Variants in HNF4G observed in about 807,000 individuals in gnomAD.
HNF4G encodes hepatocyte nuclear factor 4-gamma.
In HNF4G, 21 loss-of-function variants were observed where a neutral mutation model predicts 50.9. That is an observed-to-expected ratio of 0.41 (90% CI 0.29 to 0.59). The LOEUF is 0.59. Ranked by LOEUF, HNF4G falls within the 20% of genes least tolerant of loss-of-function variation. The pLI is 0.26. For missense variants in HNF4G, 527 were observed against 559.4 expected (o/e 0.94, Z 0.58); for synonymous variants, 198 against 185.6 (o/e 1.07, Z -0.54).
chr8:75,440,987 TG>T (rs1238270305), intron 1 of HNF4G, among the ~76,000 whole-genome samples: 2 of 152,066 alleles, frequency 1.3e-5, no homozygotes, highest in East Asian at 1.9e-4. Context: ...CCTGAGTAGC[TG>T]GGATTACAGG....
chr8:75,530,644 A>G (rs1380919893), intron 2 of HNF4G, among the ~76,000 whole-genome samples: 5 of 152,198 alleles, frequency 3.3e-5, no homozygotes, highest in African/African-American at 4.8e-5. Flanking sequence ...AGAAGGATTC[A>G]GTGAGAATAT....
rs550908430 is a variant in HNF4G, at chr8:75,504,989, A to G, written c.-24+14781A>G. On this transcript the variant is annotated intron_variant, in intron 2 of 10. Coordinates refer to the HNF4G transcript ENST00000354370. ...ATTTCTTAATTCCACTCATTAATAT[A>G]GGTGATTATAGAAACTTCTACCAGA... 7.2e-5 allele frequency among the ~76,000 whole-genome samples: 11 copies of G among 152,280 alleles called. No individual in the cohort carries two copies. In the East Asian group the frequency reaches 2.1e-3, roughly 29 times the overall value.
At chr8:75,539,730 G>T (rs1448297480), upstream of HNF4G, 2 of 386,172 alleles carry the variant, frequency 5.2e-6, no homozygotes, top group Non-Finnish European at 9.3e-6. Flanking sequence ...ATTCCATGAA[G>T]CATTCCAAGA....
At chr8:75,434,675 A>AACACACACACACACACACACAC (rs36098920) in intron 1 of HNF4G, among the ~76,000 whole-genome samples, 25 of 145,792 alleles carry the variant, frequency 1.7e-4, no homozygotes, top group African/African-American at 6.0e-4. Context: ...CAACAAGGCC[A>AACACACACACACACACACACAC]ACACACACAC....
rs571171735 is a variant in HNF4G, at chr8:75,467,703, T to G, written c.-143-22386T>G. ...AATTTTATATTAGCAAACAGCACAC[T>G]GAAGTCACAAATTTTTATCTATCCA... On this transcript the variant is annotated intron_variant, in intron 1 of 10. Transcript: ENST00000354370. Among the ~76,000 whole-genome samples, 7 of 152,116 alleles carry G rather than the reference T, an allele frequency of 4.6e-5. No individual in the cohort carries two copies. In the East Asian group the frequency reaches 1.4e-3, roughly 29 times the overall value.
At chr8:75,475,255 G>A (rs553908365) in intron 1 of HNF4G, among the ~76,000 whole-genome samples, 208 of 152,014 alleles carry the variant, frequency 1.4e-3, no homozygotes, top group African/African-American at 4.8e-3. Context: ...TGATCTGCCC[G>A]CCTGGGCCTC....
intron 9 of HNF4G, among the ~76,000 whole-genome samples, chr8:75,561,416 G>A (rs1585961794): frequency 6.6e-6 from 1 of 152,202 alleles, no homozygotes; most frequent in East Asian, 1.9e-4. Context: ...CACTTCCACT[G>A]TTGTTGGTCA....
chr8:75,423,977 C>T (rs1215360628), intron 1 of HNF4G, among the ~76,000 whole-genome samples: 2 of 151,556 alleles, frequency 1.3e-5, no homozygotes, highest in East Asian at 3.9e-4. Flanking sequence ...GTATGCATCA[C>T]CACACCCAGC....
At chr8:75,448,738 A>C (rs1811496354) in intron 1 of HNF4G, among the ~76,000 whole-genome samples, 1 of 152,040 alleles carries the variant, frequency 6.6e-6, no homozygotes, top group Non-Finnish European at 1.5e-5. Context: ...TGATCTTGGG[A>C]TAAGGAAAAT....
At chr8:75,546,612 C>T (rs1042040977) in intron 2 of HNF4G, among the ~76,000 whole-genome samples, 4 of 152,070 alleles carry the variant, frequency 2.6e-5, no homozygotes, top group African/African-American at 7.2e-5. Context: ...CAAAATCATA[C>T]GATATATGAT....
chr8:75,442,752 G>T (rs1341173460), intron 1 of HNF4G, among the ~76,000 whole-genome samples: 2 of 151,932 alleles, frequency 1.3e-5, no homozygotes, highest in Non-Finnish European at 2.9e-5. Flanking sequence ...ATTTTATATT[G>T]AGTTTGAATA....
chr8:75,442,141 G>A (rs943341709), intron 1 of HNF4G, among the ~76,000 whole-genome samples: 7 of 152,084 alleles, frequency 4.6e-5, no homozygotes, highest in Non-Finnish European at 8.8e-5. Flanking sequence ...CCATAGATAT[G>A]TGGTTAAAAC....
intron 2 of HNF4G, among the ~76,000 whole-genome samples, chr8:75,522,917 C>G (rs1251943070): frequency 6.6e-6 from 1 of 151,968 alleles, no homozygotes; most frequent in Non-Finnish European, 1.5e-5. Context: ...AGAAACAAAG[C>G]CTTTGCAATC....
At chr8:75,542,122 G>A (rs1806637939) in intron 1 of HNF4G, among the ~76,000 whole-genome samples, 2 of 151,962 alleles carry the variant, frequency 1.3e-5, no homozygotes, top group African/African-American at 4.8e-5. Flanking sequence ...GCAACATAGT[G>A]AGACCTTGTC....
chr8:75,565,128 A>G lies in HNF4G; in HGVS notation c.*1032A>G, dbSNP rs1807424490. Reference sequence around the variant, plus strand: ...AGGAACATAACCAAAGTTCACAAACATAACGAGTGAGAGAAACACATTCAA... The same window carrying G: ...AGGAACATAACCAAAGTTCACAAACGTAACGAGTGAGAGAAACACATTCAA... On this transcript the variant is annotated 3_prime_UTR_variant, in exon 10 of 10. Transcript: ENST00000396423. 1 of 152,240 alleles carries G rather than the reference A, an allele frequency of 6.6e-6. No individual in the cohort carries two copies. Among genetic ancestry groups the G allele is most frequent in the Non-Finnish European group, 1.5e-5 (1 of 68,042 alleles). 9.4% of individuals were successfully genotyped at this position (152,240 alleles called of 1,614,324 possible).
chr8:75,427,938 A>G (rs1034830305), intron 1 of HNF4G, among the ~76,000 whole-genome samples: 1 of 152,182 alleles, frequency 6.6e-6, no homozygotes, highest in Non-Finnish European at 1.5e-5. Flanking sequence ...TGGCACATGA[A>G]TAAGAGGAAG....
chr8:75,519,545 G>A (rs1308760462), intron 2 of HNF4G, among the ~76,000 whole-genome samples: 1 of 152,170 alleles, frequency 6.6e-6, no homozygotes, highest in East Asian at 1.9e-4. Flanking sequence ...ACGTGGCTGA[G>A]GAGGCCTCAC....
At chr8:75,508,921 T>A (rs1399850396) in intron 2 of HNF4G, among the ~76,000 whole-genome samples, 1 of 152,202 alleles carries the variant, frequency 6.6e-6, no homozygotes, top group African/African-American at 2.4e-5. Context: ...GTGAATGATG[T>A]CACGAATGAA....
chr8:75,546,486 A>G (rs1379321221), intron 2 of HNF4G, among the ~76,000 whole-genome samples: 1 of 152,124 alleles, frequency 6.6e-6, no homozygotes, highest in Non-Finnish European at 1.5e-5. Flanking sequence ...CCTTATAAAG[A>G]AACCTTTAGT....
Sources: gnomAD v4.1 joint callset for allele counts (sites outside exome capture counted in the v4.1 genomes callset) on GRCh38, gnomAD v4.1.1 for gene constraint, MANE v1.5 for transcripts, NCBI Gene and HGNC (gene_info 2026-07-23, HGNC 2026-07-21) for gene names.